BTF3L4: variants seen among roughly 807,000 people sequenced by gnomAD.
BTF3L4 encodes the protein basic transcription factor 3 like 4.
In BTF3L4, 6 loss-of-function variants were observed where a neutral mutation model predicts 16.8. The observed-to-expected ratio is 0.36, with a 90% CI of 0.20 to 0.71. The LOEUF is 0.71. BTF3L4 is among the 30% of genes least tolerant of loss of function. BTF3L4 has a pLI of 0.58. For missense variants in BTF3L4, 92 were observed against 186.9 expected (o/e 0.49, Z 2.96); for synonymous variants, 39 against 59.8 (o/e 0.65, Z 1.60).
rs577500549 is a variant in BTF3L4 at position 52,062,487 on chromosome 1, A to T, written c.55-2338A>T. On this transcript the variant is annotated intron_variant, in intron 2 of 5. Coordinates refer to ENST00000313334, the MANE Select transcript of BTF3L4 (RefSeq NM_152265.5). ...AGTGCTAGGATTACAGGTGTGAGCC[A>T]CCGCGCTCGGCCGGTACAGCTGTTC... 1.3e-4 allele frequency among the ~76,000 whole-genome samples: 20 copies of T among 152,236 alleles called. No homozygotes were observed. In the South Asian group the frequency reaches 3.5e-3, roughly 27 times the overall value.
chr1:52,077,507 G>C (rs1027105543), intron 3 of BTF3L4, among the ~76,000 whole-genome samples: 1 of 152,172 alleles, frequency 6.6e-6, no homozygotes, highest in African/African-American at 2.4e-5. Flanking sequence ...GAAGTGAGCC[G>C]AGATTGCGCC....
intron 3 of BTF3L4, among the ~76,000 whole-genome samples, chr1:52,071,604 CTA>C (rs1204503962): frequency 2.6e-5 from 4 of 152,142 alleles, no homozygotes; most frequent in African/African-American, 7.2e-5. Flanking sequence ...AGTAAGTTAG[CTA>C]TAGGGAGCTA....
chr1:52,068,508 G>C (rs1334849526), intron 3 of BTF3L4, among the ~76,000 whole-genome samples: 5 of 152,218 alleles, frequency 3.3e-5, no homozygotes, highest in Non-Finnish European at 5.9e-5. Flanking sequence ...CTGAGGCTTA[G>C]AGAGTTAGGT....
intron 1 of BTF3L4, among the ~76,000 whole-genome samples, chr1:52,059,260 A>G (rs1686451077): frequency 6.6e-6 from 1 of 152,216 alleles, no homozygotes; most frequent in Admixed American, 6.5e-5. Flanking sequence ...CTCTTTCCCC[A>G]TTATTAACAT....
chr1:52,078,459 G>GA (rs902942780), intron 3 of BTF3L4, among the ~76,000 whole-genome samples: 10 of 152,006 alleles, frequency 6.6e-5, no homozygotes, highest in Non-Finnish European at 1.5e-4. Context: ...ATACTATGTC[G>GA]AATAAGGCAT....
At chr1:52,084,059 G>T (rs1643947664) in intron 4 of BTF3L4, among the ~76,000 whole-genome samples, 1 of 151,774 alleles carries the variant, frequency 6.6e-6, no homozygotes, top group South Asian at 2.1e-4. Flanking sequence ...CATTTTGGTA[G>T]TAATAATAGT....
At chr1:52,069,906 G>A (rs531657007) in intron 3 of BTF3L4, among the ~76,000 whole-genome samples, 28 of 152,038 alleles carry the variant, frequency 1.8e-4, no homozygotes, top group African/African-American at 6.3e-4. Context: ...AGCTTAATTG[G>A]TGTCCTCTTC....
intron 3 of BTF3L4, 75 bp from the exon 4 acceptor site, chr1:52,083,265 T>G: frequency 7.8e-7 from 1 of 1,277,618 alleles, no homozygotes; most frequent in Non-Finnish European, 1.1e-6. Flanking sequence ...CATAATTGGC[T>G]GAATTGCTTT....
intron 3 of BTF3L4, among the ~76,000 whole-genome samples, chr1:52,073,470 A>G (rs1052610278): frequency 1.4e-5 from 2 of 142,452 alleles, no homozygotes; most frequent in African/African-American, 5.2e-5. Context: ...TGCACTATAT[A>G]TATGCACTAT....
rs917023476 is a variant in BTF3L4 at position 52,066,037 on chromosome 1, CA to C, written c.168+1110del. On this transcript the variant is annotated intron_variant, in intron 3 of 5. Coordinates refer to ENST00000313334, the MANE Select transcript of BTF3L4 (RefSeq NM_152265.5). ...TGGGTGACAGAGTGAGCATCCGTCT[CA>C]AAAAAAAAAATTGTATGTCAGTTTA... 1.9e-4 allele frequency among the ~76,000 whole-genome samples: 28 copies of C among 144,682 alleles called. 1 individual carries two copies. The South Asian group carries it at 4.8e-3, about 25-fold the overall frequency. The allele number at this position is 144,682 out of a possible 152,430, so 94.9% of individuals were successfully genotyped here.
At position 52,089,906 on chromosome 1, in the gene BTF3L4, A is replaced by G. The variant is rs1174598385; in HGVS notation, c.*3148A>G. 6.6e-6 allele frequency: 1 copy of G among 152,216 alleles called. No individual in the cohort carries two copies. The highest frequency in any genetic ancestry group is 1.5e-5 in the Non-Finnish European group (1 of 68,032). The allele number at this position is 152,216 out of a possible 1,614,324, so 9.4% of individuals were successfully genotyped here. ...TTAATAAGCCTATGAAGTTCTTATG[A>G]AAAACCCATATCTGCGATATGTTTG... is the stretch of plus-strand genomic sequence containing the variant. On this transcript the variant is annotated 3_prime_UTR_variant, in exon 6 of 6. Coordinates refer to ENST00000313334, the MANE Select transcript of BTF3L4 (RefSeq NM_152265.5).
At chr1:52,056,663 T>A (rs1164530855) in intron 1 of BTF3L4, among the ~76,000 whole-genome samples, 1 of 152,252 alleles carries the variant, frequency 6.6e-6, no homozygotes, top group Non-Finnish European at 1.5e-5. Flanking sequence ...ACGCCCCTCC[T>A]CTGTTCCATT....
At position 52,088,670 on chromosome 1, in the gene BTF3L4, C is replaced by T. The variant is rs1643993008; in HGVS notation, c.*1912C>T. ...TATAGCACATGAAAGAAAACACACA[C>T]TTGGAAGCCAGGAGACTTGTGTCCT... On this transcript the variant is annotated 3_prime_UTR_variant, in exon 6 of 6. Transcript: ENST00000313334. 6.6e-6 allele frequency: 1 copy of T among 152,224 alleles called. No homozygotes were observed. The highest frequency in any genetic ancestry group is 1.5e-5 in the Non-Finnish European group (1 of 68,064). 9.4% of individuals were successfully genotyped at this position (152,224 alleles called of 1,614,324 possible).
At chr1:52,072,961 G>A (rs1359176046) in intron 3 of BTF3L4, among the ~76,000 whole-genome samples, 2 of 152,240 alleles carry the variant, frequency 1.3e-5, no homozygotes, top group Non-Finnish European at 2.9e-5. Context: ...AGGAGGCTAA[G>A]GCAGAAGAAT....
At chr1:52,069,670 T>C (rs1686736053) in intron 3 of BTF3L4, among the ~76,000 whole-genome samples, 1 of 152,204 alleles carries the variant, frequency 6.6e-6, no homozygotes, top group Non-Finnish European at 1.5e-5. Context: ...AACAATATGA[T>C]AGTACTTTCT....
intron 2 of BTF3L4, among the ~76,000 whole-genome samples, chr1:52,062,765 C>A (rs996593844): frequency 4.6e-5 from 7 of 152,192 alleles, no homozygotes; most frequent in African/African-American, 1.4e-4. Flanking sequence ...GAGTCTAAGG[C>A]AGCAGTCCGC....
intron 3 of BTF3L4, among the ~76,000 whole-genome samples, chr1:52,071,903 CTTTTGGCTTTTTG>C (rs1490386110): frequency 3.0e-5 from 4 of 133,840 alleles, no homozygotes; most frequent in Non-Finnish European, 6.4e-5. Context: ...GGGTCCTGTT[CTTTTGGCTTTTTG>C]TTTTGTTTTT....
intron 3 of BTF3L4, among the ~76,000 whole-genome samples, chr1:52,066,129 C>T (rs1558005497): frequency 6.6e-6 from 1 of 152,102 alleles, no homozygotes; most frequent in Non-Finnish European, 1.5e-5. Context: ...CCAGAAGATA[C>T]TTAATAAATA....
chr1:52,063,402 TAGTC>T (rs1464008026), intron 2 of BTF3L4, among the ~76,000 whole-genome samples: 11 of 152,228 alleles, frequency 7.2e-5, no homozygotes, highest in Admixed American at 2.0e-4. Context: ...CCTATGTAAA[TAGTC>T]AGTCCTTCAG....
Sources: allele counts gnomAD v4.1 joint callset (sites outside exome capture counted in the v4.1 genomes callset), GRCh38; gene constraint gnomAD v4.1.1; transcripts MANE v1.5; gene names NCBI Gene and HGNC (gene_info 2026-07-23, HGNC 2026-07-21).